FAM151B: variants seen among roughly 807,000 people sequenced by gnomAD.
FAM151B encodes family with sequence similarity 151 member B, also known as protein FAM151B.
FAM151B carries 24 observed loss-of-function variants against 31.2 expected under a neutral mutation model. The ratio of observed to expected loss-of-function variants is 0.77; its 90% CI spans 0.56 to 1.08. The LOEUF (loss-of-function observed/expected upper bound fraction) is 1.08, where lower values mean the gene tolerates loss of function less well. Among genes scored for constraint, FAM151B ranks in the 50% least tolerant of loss-of-function variants. The probability of loss-of-function intolerance (pLI) is 0.00; values close to 1 mark genes in which losing one functional copy is unlikely to be tolerated. For missense variants in FAM151B, 293 were observed against 328.6 expected, an observed-to-expected ratio of 0.89 and a Z score of 0.84; for synonymous variants, 105 against 111.4, an observed-to-expected ratio of 0.94 and a Z score of 0.36.
At chr5:80,520,267 TTAAGATTTCTG>T (rs1744641730) in intron 4 of FAM151B, among the ~76,000 whole-genome samples, 1 of 152,238 alleles carries the variant, frequency 6.6e-6, no homozygotes, top group Admixed American at 6.5e-5. Flanking sequence ...ACATATTCAC[TTAAGATTTCTG>T]TAAAATGTTC....
At chr5:80,494,466 T>TC (rs1192331260) in intron 1 of FAM151B, among the ~76,000 whole-genome samples, 1 of 51,564 alleles carries the variant, frequency 1.9e-5, no homozygotes, top group Non-Finnish European at 4.6e-5. Flanking sequence ...TTTTCTTTCT[T>TC]TCTTTCTTTC....
At chr5:80,512,591 A>G (rs1472590428) in intron 2 of FAM151B, among the ~76,000 whole-genome samples, 1 of 149,252 alleles carries the variant, frequency 6.7e-6, no homozygotes, top group East Asian at 2.0e-4. Flanking sequence ...CCTGGGCAAC[A>G]TAGTGAGACC....
intron 5 of FAM151B, among the ~76,000 whole-genome samples, chr5:80,538,198 GC>G (rs1239174323): frequency 6.6e-6 from 1 of 151,572 alleles, no homozygotes; most frequent in Non-Finnish European, 1.5e-5. Flanking sequence ...CTCCCAAGTA[GC>G]TGGGACTACA....
intron 3 of FAM151B, 138 bp from the exon 4 acceptor site, chr5:80,519,555 C>T (rs980242322): frequency 3.6e-5 from 25 of 699,088 alleles, no homozygotes; most frequent in African/African-American, 1.6e-4. Context: ...TGGTGCTATG[C>T]GATCTTTGAT....
At chr5:80,500,137 A>G (rs1472959587) in intron 1 of FAM151B, among the ~76,000 whole-genome samples, 3 of 152,216 alleles carry the variant, frequency 2.0e-5, no homozygotes. Context: ...GCTAAGTGAA[A>G]TAAGCCAGAC....
At chr5:80,500,233 C>T in intron 1 of FAM151B, 1 of 546,672 alleles carries the variant, frequency 1.8e-6, no homozygotes, top group Non-Finnish European at 3.2e-6. Flanking sequence ...AAAACAATGG[C>T]TATGGGGAGG....
chr5:80,508,448 T>C (rs1389794048), intron 2 of FAM151B, among the ~76,000 whole-genome samples: 1 of 152,110 alleles, frequency 6.6e-6, no homozygotes, highest in African/African-American at 2.4e-5. Flanking sequence ...TATTGTACTT[T>C]TTTTTTTTAA....
intron 2 of FAM151B, among the ~76,000 whole-genome samples, chr5:80,504,334 T>C (rs1238535193): frequency 1.3e-5 from 2 of 152,130 alleles, no homozygotes; most frequent in Non-Finnish European, 2.9e-5. Context: ...ATCTTTCTTA[T>C]CATTATCCTA....
At chr5:80,489,750 TC>T (rs1743242422) in intron 1 of FAM151B, among the ~76,000 whole-genome samples, 1 of 152,048 alleles carries the variant, frequency 6.6e-6, no homozygotes, top group Admixed American at 6.6e-5. Context: ...CAGTGAAACC[TC>T]GTCTCTACTA....
At chr5:80,509,223 C>T (rs1744094844) in intron 2 of FAM151B, among the ~76,000 whole-genome samples, 1 of 152,022 alleles carries the variant, frequency 6.6e-6, no homozygotes, top group South Asian at 2.1e-4. Flanking sequence ...AAGTGATCCT[C>T]CTGCCTCTGG....
chr5:80,505,876 C>T, intron 2 of FAM151B: 1 of 152,640 alleles, frequency 6.6e-6, no homozygotes, highest in South Asian at 1.9e-4. Flanking sequence ...CCTGCTTCAG[C>T]CTCCCGAGTA....
intron 4 of FAM151B, among the ~76,000 whole-genome samples, chr5:80,521,488 C>G (rs1213778416): frequency 6.6e-6 from 1 of 152,046 alleles, no homozygotes. Flanking sequence ...AATTTTACCA[C>G]TATTTCTACT....
At chr5:80,493,613 G>A (rs1449087343) in intron 1 of FAM151B, among the ~76,000 whole-genome samples, 1 of 152,168 alleles carries the variant, frequency 6.6e-6, no homozygotes, top group Non-Finnish European at 1.5e-5. Context: ...GAAGTCTATA[G>A]ACAGCTGCTC....
chr5:80,536,141 T>TTTTAG (rs113261883), intron 5 of FAM151B, among the ~76,000 whole-genome samples: 2,907 of 151,372 alleles, frequency 0.019, 92 homozygotes, highest in African/African-American at 0.066. Flanking sequence ...GGTACGAGGG[T>TTTTAG]TTTAGTTTAG....
At chr5:80,539,426 C>G (rs1745767774) in intron 5 of FAM151B, among the ~76,000 whole-genome samples, 2 of 152,056 alleles carry the variant, frequency 1.3e-5, no homozygotes, top group African/African-American at 4.8e-5. Context: ...AACTTTGCCT[C>G]TTCCTTTATT....
chr5:80,541,929 C>A lies in FAM151B; in HGVS notation c.*97C>A. On this transcript the variant is annotated 3_prime_UTR_variant, in exon 6 of 6. Transcript: ENST00000282226. ...CATATAAATTATGGTTATTGATTGA[C>A]GTTCCAAGTCATCTAATCAAGAAAC... is the stretch of plus-strand genomic sequence containing the variant. 2 of 1,293,868 alleles carry A rather than the reference C, an allele frequency of 1.5e-6. No individual in the cohort carries two copies. The highest frequency in any genetic ancestry group is 1.5e-5 in the South Asian group (1 of 66,786). 80.1% of individuals were successfully genotyped at this position (1,293,868 alleles called of 1,614,324 possible). A position where few individuals can be genotyped will look rare whatever the true frequency, so the allele number is the denominator to read the frequency against.
At chr5:80,521,929 G>C in intron 4 of FAM151B, 74 bp from the exon 5 acceptor site, 1 of 1,100,706 alleles carries the variant, frequency 9.1e-7, no homozygotes, top group East Asian at 2.6e-5. Context: ...CTAATTATAG[G>C]TAATTTAGTC....
At chr5:80,518,482 G>T (rs1744563923) in intron 3 of FAM151B, among the ~76,000 whole-genome samples, 1 of 152,174 alleles carries the variant, frequency 6.6e-6, no homozygotes, top group Non-Finnish European at 1.5e-5. Context: ...ACATGGTGTT[G>T]ACACAGGGCA....
chr5:80,509,961 C>T (rs575465642), intron 2 of FAM151B, among the ~76,000 whole-genome samples: 5 of 152,360 alleles, frequency 3.3e-5, no homozygotes, highest in Non-Finnish European at 7.3e-5. Flanking sequence ...AATTTCTGCA[C>T]TGCTCTTCCA....
Sources: gnomAD v4.1 joint callset for allele counts (sites outside exome capture counted in the v4.1 genomes callset) on GRCh38, gnomAD v4.1.1 for gene constraint, MANE v1.5 for transcripts, NCBI Gene and HGNC (gene_info 2026-07-23, HGNC 2026-07-21) for gene names.